The following NAA15 variants were observed in gnomAD, a reference collection of about 807,000 sequenced individuals.
The protein encoded by NAA15 is N-alpha-acetyltransferase 15, NatA auxiliary subunit.
A neutral mutation model predicts 114.0 loss-of-function variants in NAA15; 34 were observed. The observed-to-expected ratio is 0.30, with a 90% CI of 0.23 to 0.40. The LOEUF (loss-of-function observed/expected upper bound fraction) is 0.40, where lower values mean the gene tolerates loss of function less well. Among genes scored for constraint, NAA15 ranks in the 10% least tolerant of loss-of-function variants. The pLI is 1.00. For missense variants in NAA15, 658 were observed against 1,004.5 expected (o/e 0.66, Z 4.66); for synonymous variants, 340 against 338.0 (o/e 1.01, Z -0.06).
intron 6 of NAA15, among the ~76,000 whole-genome samples, chr4:139,345,606 G>A (rs1341436857): frequency 2.0e-5 from 3 of 152,170 alleles, no homozygotes. Flanking sequence ...GATGGTAAAA[G>A]CCCAAACATC....
At chr4:139,337,164 G>C (rs1747225616) in intron 3 of NAA15, among the ~76,000 whole-genome samples, 1 of 152,144 alleles carries the variant, frequency 6.6e-6, no homozygotes, top group South Asian at 2.1e-4. Flanking sequence ...AATGGAACTT[G>C]CCTTTAAAAA....
At position 139,364,946 on chromosome 4, in the gene NAA15, G is replaced by C. The variant is rs902132078; in HGVS notation, c.1753+3009G>C. ...GTCTTCTGGTATGGTTAGAGTTGCT[G>C]AAACAGTGGTGATTAGTAGGAACAA... On this transcript the variant is annotated intron_variant, in intron 14 of 19. Coordinates refer to ENST00000296543, the MANE Select transcript of NAA15 (RefSeq NM_057175.5). 4.6e-5 allele frequency among the ~76,000 whole-genome samples: 7 copies of C among 152,248 alleles called. No individual in the cohort carries two copies. The East Asian group carries it at 1.3e-3, about 29-fold the overall frequency.
intron 14 of NAA15, among the ~76,000 whole-genome samples, chr4:139,362,916 T>G (rs1748175424): frequency 6.6e-6 from 1 of 152,204 alleles, no homozygotes; most frequent in Admixed American, 6.5e-5. Flanking sequence ...AGCCTATTTC[T>G]TTTTTGAGGA....
chr4:139,326,647 T>G (rs1342761028), intron 1 of NAA15, among the ~76,000 whole-genome samples: 2 of 152,236 alleles, frequency 1.3e-5, no homozygotes, highest in Non-Finnish European at 2.9e-5. Context: ...ATATAAAAAT[T>G]ACCTTGGAAT....
chr4:139,340,949 G>T lies in NAA15; in HGVS notation c.282G>T (p.Lys94Asn), dbSNP rs1747365008. 6.2e-7 allele frequency: 1 copy of T among 1,600,990 alleles called. No individual in the cohort carries two copies. The highest frequency in any genetic ancestry group is 8.5e-7 in the Non-Finnish European group (1 of 1,175,048). Residue 94 changes from lysine (K) to asparagine (N), a missense_variant, in exon 4 of 20, where the codon AAG becomes AAT. By Grantham distance (94) the Lys-to-Asn change is moderately conservative. Coordinates refer to ENST00000296543, the MANE Select transcript of NAA15 (RefSeq NM_057175.5). ...HVYGLLQRSDKKYDEAIKCYR... is the reference protein window; with the variant it reads ...HVYGLLQRSDNKYDEAIKCYR... Reference sequence around the variant, plus strand: ...ATGGCCTTCTTCAGAGGTCAGACAAGAAGTATGATGAAGCCATTAAGTGTT... The same window carrying T: ...ATGGCCTTCTTCAGAGGTCAGACAATAAGTATGATGAAGCCATTAAGTGTT...
chr4:139,365,884 T>C (rs1311008716), intron 14 of NAA15, among the ~76,000 whole-genome samples: 1 of 152,138 alleles, frequency 6.6e-6, no homozygotes, highest in Non-Finnish European at 1.5e-5. Context: ...ATATAAGGTA[T>C]GCATTATATC....
chr4:139,379,481 T>C (rs1025722680), intron 17 of NAA15: 1 of 152,228 alleles, frequency 6.6e-6, no homozygotes, highest in Non-Finnish European at 1.5e-5. Context: ...AGAAACTTAG[T>C]AACGCAACAG....
At chr4:139,310,466 A>C (rs972627085) in intron 1 of NAA15, among the ~76,000 whole-genome samples, 4 of 151,596 alleles carry the variant, frequency 2.6e-5, no homozygotes, top group African/African-American at 9.7e-5. Flanking sequence ...AAAAAAAAAA[A>C]AAACATTTTT....
At chr4:139,352,706 C>T (rs1261766464) in intron 9 of NAA15, among the ~76,000 whole-genome samples, 8 of 116,022 alleles carry the variant, frequency 6.9e-5, no homozygotes, top group Admixed American at 2.3e-4. Flanking sequence ...TCACTCTTGT[C>T]GCCCAGGCTG....
chr4:139,378,753 T>C lies in NAA15; in HGVS notation c.2057-3T>C. The C allele has an allele frequency of 6.5e-7, 1 of 1,544,720 alleles. No homozygotes were observed. Among genetic ancestry groups the C allele is most frequent in the South Asian group, 1.2e-5 (1 of 81,622 alleles). On this transcript the variant is annotated splice_region_variant and splice_polypyrimidine_tract_variant and intron_variant, in intron 16 of 19. Transcript: ENST00000296543. ...AAATATATCTTACTTTCTCTTTTTA[T>C]AGAAAAGTTTCTTTTGATGCTACAA...
chr4:139,373,736 C>T (rs537613121), intron 15 of NAA15, among the ~76,000 whole-genome samples: 2 of 151,222 alleles, frequency 1.3e-5, no homozygotes, highest in Admixed American at 6.6e-5. Flanking sequence ...CTCACTCTGT[C>T]ACCCAGGCTG....
chr4:139,372,583 A>G (rs1748471808), intron 15 of NAA15, among the ~76,000 whole-genome samples: 1 of 152,154 alleles, frequency 6.6e-6, no homozygotes, highest in Non-Finnish European at 1.5e-5. Flanking sequence ...CCCTGTCTAA[A>G]AGCATCTATA....
At chr4:139,356,701 A>G (rs1204275483) in intron 10 of NAA15, 1 of 152,098 alleles carries the variant, frequency 6.6e-6, no homozygotes, top group Non-Finnish European at 1.5e-5. Context: ...GATTTTAGAA[A>G]TTTGTATTAA....
intron 1 of NAA15, among the ~76,000 whole-genome samples, chr4:139,315,123 C>T (rs1306619613): frequency 6.6e-6 from 1 of 151,136 alleles, no homozygotes; most frequent in Non-Finnish European, 1.5e-5. Context: ...AGTGCAGTGG[C>T]GCGATCCCGG....
chr4:139,323,600 T>C (rs1746693636), intron 1 of NAA15, among the ~76,000 whole-genome samples: 1 of 152,176 alleles, frequency 6.6e-6, no homozygotes, highest in Non-Finnish European at 1.5e-5. Flanking sequence ...TCAGTGAGAC[T>C]GCTAAGCTCT....
chr4:139,388,788 A>G lies in NAA15; in HGVS notation c.*704A>G, dbSNP rs780225650. ...AGTTGTAACAGTCTCAATTTTAACT[A>G]AAACTTGAAGAACTAAAACAACAAT... On this transcript the variant is annotated 3_prime_UTR_variant, in exon 20 of 20. Transcript: ENST00000296543. 1.3e-5 allele frequency: 2 copies of G among 152,652 alleles called. No individual in the cohort carries two copies. The highest frequency in any genetic ancestry group is 2.9e-5 in the Non-Finnish European group (2 of 68,038). The allele number at this position is 152,652 out of a possible 1,614,324, so 9.5% of individuals were successfully genotyped here.
At chr4:139,311,178 C>T (rs1272741380) in intron 1 of NAA15, among the ~76,000 whole-genome samples, 1 of 151,864 alleles carries the variant, frequency 6.6e-6, no homozygotes, top group Non-Finnish European at 1.5e-5. Flanking sequence ...TTACTTTATT[C>T]TCATTTATCA....
intron 1 of NAA15, among the ~76,000 whole-genome samples, chr4:139,325,863 G>C (rs74393760): frequency 0.019 from 2,963 of 152,108 alleles, 101 homozygotes; most frequent in African/African-American, 0.068. Flanking sequence ...TGCCTCAAGC[G>C]ATCCTCTCAC....
At chr4:139,312,859 A>T (rs1192516924) in intron 1 of NAA15, among the ~76,000 whole-genome samples, 2 of 151,722 alleles carry the variant, frequency 1.3e-5, no homozygotes, top group Non-Finnish European at 2.9e-5. Context: ...GGGAAAAAAA[A>T]AGTAAAATAA....
Sources: gnomAD v4.1 joint callset for allele counts (sites outside exome capture counted in the v4.1 genomes callset) on GRCh38, gnomAD v4.1.1 for gene constraint, MANE v1.5 for transcripts, NCBI Gene and HGNC (gene_info 2026-07-23, HGNC 2026-07-21) for gene names.